Variants in FAM200B observed in about 807,000 individuals in gnomAD.
The protein encoded by FAM200B is protein FAM200B.
A neutral mutation model predicts 33.1 loss-of-function variants in FAM200B; 32 were observed. That is an observed-to-expected ratio of 0.97 (90% CI 0.73 to 1.30). FAM200B has a LOEUF of 1.30. Among genes scored for constraint, FAM200B ranks in the 50% most tolerant of loss-of-function variants. The pLI, the probability that FAM200B is intolerant of heterozygous loss-of-function variation, is 0.00. For synonymous variants in FAM200B, 240 were observed against 264.8 expected (o/e 0.91, Z 0.91); for missense variants, 741 against 754.0 (o/e 0.98, Z 0.20).
the FAM200B span, among the ~76,000 whole-genome samples, chr4:15,656,068 C>T: frequency 2.0e-5 from 3 of 152,308 alleles, no homozygotes; most frequent in Middle Eastern, 3.4e-3. Context: ...GATCCAGGTG[C>T]GGAAATGCAC....
In FAM200B at chr4:15,688,640, G is replaced by A. The variant is rs970476553; in HGVS notation, c.1663G>A (p.Val555Met). The A allele has an allele frequency of 1.1e-5, 17 of 1,551,108 alleles. No homozygotes were observed. Among genetic ancestry groups the A allele is most frequent in the Middle Eastern group, 3.3e-4 (2 of 6,010 alleles). Residue 555 changes from valine (V) to methionine (M), a missense_variant, in exon 2 of 2, where the codon GTG becomes ATG. Coordinates refer to ENST00000422728, the MANE Select transcript of FAM200B (RefSeq NM_001145191.2). ...TGAATCAATAATTGAGCTAAACTTG[G>A]TGCCTGAAGAAGAGAATGAATTATT... ...HPESIIELNL[V>M]PEEENELLQL...
chr4:15,671,636 G>A, the FAM200B span, among the ~76,000 whole-genome samples: 1 of 151,912 alleles, frequency 6.6e-6, no homozygotes, highest in Non-Finnish European at 1.5e-5. Flanking sequence ...GTGGGTTTAT[G>A]GTTTCCATCA....
the FAM200B span, among the ~76,000 whole-genome samples, chr4:15,675,326 AG>A: frequency 2.0e-5 from 3 of 152,226 alleles, no homozygotes; most frequent in African/African-American, 7.2e-5. Context: ...TATAAAAATG[AG>A]GTGAATAAGT....
Position 15,687,559 on chromosome 4 carries a change from A to G in FAM200B, c.582A>G (p.Ile194Met). ...AATCAGCTGATAAATTAAAAACTATACCTAATGATAACACAGTATCTCTTC... is the reference window on the plus strand; with the variant it reads ...AATCAGCTGATAAATTAAAAACTATGCCTAATGATAACACAGTATCTCTTC... ...DDKSADKLKT[I>M]PNDNTVSLRI... Residue 194 changes from isoleucine to methionine, a missense_variant, in exon 2 of 2, where the codon ATA becomes ATG. Ile to Met is a conservative substitution (Grantham distance 10). Transcript: ENST00000422728. The G allele has an allele frequency of 1.9e-6, 3 of 1,550,054 alleles. No individual in the cohort carries two copies. Among genetic ancestry groups the G allele is most frequent in the Non-Finnish European group, 2.6e-6 (3 of 1,145,946 alleles).
the FAM200B span, chr4:15,655,084 T>C: frequency 4.6e-5 from 33 of 716,712 alleles, no homozygotes; most frequent in African/African-American, 5.8e-4. Context: ...CGCAGGCGGC[T>C]ACTCGCGCGG....
At chr4:15,643,254 TTTTC>T in the FAM200B span, among the ~76,000 whole-genome samples, 2 of 152,204 alleles carry the variant, frequency 1.3e-5, no homozygotes, top group Non-Finnish European at 2.9e-5. Context: ...TCCTTTAGTC[TTTTC>T]TTTATCTTTA....
At chr4:15,655,976 T>C in the FAM200B span, among the ~76,000 whole-genome samples, 12 of 152,036 alleles carry the variant, frequency 7.9e-5, no homozygotes, top group Non-Finnish European at 1.5e-4. Context: ...GGGGCCTGGG[T>C]GCGAGGGGCG....
At chr4:15,646,569 T>G in the FAM200B span, among the ~76,000 whole-genome samples, 3 of 152,164 alleles carry the variant, frequency 2.0e-5, no homozygotes, top group African/African-American at 7.2e-5. Flanking sequence ...TATTATACTT[T>G]AAGTTTTAGG....
the FAM200B span, chr4:15,655,401 C>A: frequency 2.0e-6 from 2 of 1,025,334 alleles, no homozygotes; most frequent in African/African-American, 3.6e-5. Flanking sequence ...CCCGTCGGCG[C>A]GCGCGCCCGG....
chr4:15,687,111 C>T lies in FAM200B; in HGVS notation c.134C>T (p.Thr45Ile), dbSNP rs2148863173. 1.3e-6 allele frequency: 2 copies of T among 1,548,824 alleles called. No homozygotes were observed. The highest frequency in any genetic ancestry group is 1.2e-5 in the South Asian group (1 of 83,168). Residue 45 changes from threonine to isoleucine, a missense_variant, in exon 2 of 2, where the codon ACT becomes ATT. By Grantham distance (89) the Thr-to-Ile change is moderately conservative. Transcript: ENST00000422728. ...AAAAATACTGACTCCAATCTGCAAA[C>T]TTCAACTTCATTTGAGCCACATTTC... ...IEKNTDSNLQ[T>I]STSFEPHFKK...
At chr4:15,660,775 A>C in the FAM200B span, among the ~76,000 whole-genome samples, 1 of 152,214 alleles carries the variant, frequency 6.6e-6, no homozygotes, top group South Asian at 2.1e-4. Flanking sequence ...AGTCATCCAG[A>C]TAAGTCAGTC....
the FAM200B span, among the ~76,000 whole-genome samples, chr4:15,669,506 C>G: frequency 6.6e-6 from 1 of 151,958 alleles, no homozygotes; most frequent in Admixed American, 6.6e-5. Flanking sequence ...TACTGCATTC[C>G]AGCCTTGGCA....
At position 15,689,039 on chromosome 4, in the gene FAM200B, G is replaced by A. The variant is rs1234025484; in HGVS notation, c.*88G>A. 5.3e-6 allele frequency: 5 copies of A among 951,358 alleles called. No homozygotes were observed. Among genetic ancestry groups the A allele is most frequent in the East Asian group, 3.2e-5 (1 of 31,192 alleles). The allele number at this position is 951,358 out of a possible 1,614,324, so 58.9% of individuals were successfully genotyped here. A position where few individuals can be genotyped will look rare whatever the true frequency, so the allele number is the denominator to read the frequency against. ...TATATTTAAATGGTACTATAATACT[G>A]TGATACTTTTGTTATGTTTTAATTT... On this transcript the variant is annotated 3_prime_UTR_variant, in exon 2 of 2. Transcript: ENST00000422728.
At chr4:15,649,719 C>T in the FAM200B span, among the ~76,000 whole-genome samples, 3 of 151,576 alleles carry the variant, frequency 2.0e-5, no homozygotes, top group Non-Finnish European at 4.4e-5. Flanking sequence ...AAAACCTGGA[C>T]ACTAATGGTT....
intron 1 of FAM200B, among the ~76,000 whole-genome samples, chr4:15,683,883 A>G (rs1038149019): frequency 6.6e-6 from 1 of 152,214 alleles, no homozygotes. Flanking sequence ...TCATTCTCTC[A>G]TATGCATTGA....
At chr4:15,653,303 G>C in the FAM200B span, among the ~76,000 whole-genome samples, 2 of 152,066 alleles carry the variant, frequency 1.3e-5, no homozygotes, top group Non-Finnish European at 2.9e-5. Context: ...AAAGACTCTT[G>C]GCTCAGATAT....
the FAM200B span, among the ~76,000 whole-genome samples, chr4:15,658,175 G>T: frequency 1.3e-5 from 2 of 152,182 alleles, no homozygotes; most frequent in Admixed American, 1.3e-4. Context: ...CTCCGTTTGA[G>T]TATGTGACAC....
At chr4:15,684,382 G>A (rs1450540127) in intron 1 of FAM200B, among the ~76,000 whole-genome samples, 1 of 152,136 alleles carries the variant, frequency 6.6e-6, no homozygotes, top group Non-Finnish European at 1.5e-5. Context: ...AGCCGCTTTC[G>A]GAGATATAAG....
chr4:15,668,115 ATT>A, the FAM200B span, among the ~76,000 whole-genome samples: 2 of 152,020 alleles, frequency 1.3e-5, no homozygotes, highest in Non-Finnish European at 2.9e-5. Flanking sequence ...AACAATTAAA[ATT>A]TTGGTTAATA....
Sources: allele counts gnomAD v4.1 joint callset (sites outside exome capture counted in the v4.1 genomes callset), GRCh38; gene constraint gnomAD v4.1.1; transcripts MANE v1.5; gene names NCBI Gene and HGNC (gene_info 2026-07-23, HGNC 2026-07-21).